SYT1: variants seen among roughly 807,000 people sequenced by gnomAD.
SYT1 encodes the protein synaptotagmin-1.
SYT1 carries 8 observed loss-of-function variants against 44.8 expected under a neutral mutation model. The ratio of observed to expected loss-of-function variants is 0.18; its 90% CI spans 0.10 to 0.32. The LOEUF (loss-of-function observed/expected upper bound fraction) is 0.32. Among genes scored for constraint, SYT1 ranks in the 10% least tolerant of loss-of-function variants. The probability of loss-of-function intolerance (pLI) is 1.00; values close to 1 mark genes in which losing one functional copy is unlikely to be tolerated. For missense variants in SYT1, 286 were observed against 509.3 expected, an observed-to-expected ratio of 0.56 and a Z score of 4.22; for synonymous variants, 154 against 188.8, an observed-to-expected ratio of 0.82 and a Z score of 1.51.
At chr12:79,092,467 A>T (rs1877844821) in intron 3 of SYT1, among the ~76,000 whole-genome samples, 1 of 151,782 alleles carries the variant, frequency 6.6e-6, no homozygotes, top group Non-Finnish European at 1.5e-5. Context: ...ACACAAAAGT[A>T]CACCTTCCCA....
At chr12:78,973,437 C>T (rs2137399236) in intron 1 of SYT1, among the ~76,000 whole-genome samples, 1 of 152,218 alleles carries the variant, frequency 6.6e-6, no homozygotes, top group Non-Finnish European at 1.5e-5. Flanking sequence ...AACCGCCATT[C>T]TATGGAGGCT....
In SYT1 at chr12:79,353,515, G is replaced by T; in HGVS notation, c.824G>T (p.Gly275Val). 6.2e-7 allele frequency: 1 copy of T among 1,613,596 alleles called. No homozygotes were observed. Among genetic ancestry groups the T allele is most frequent in the Non-Finnish European group, 8.5e-7 (1 of 1,179,532 alleles). ...SAEKEEQEKL[G>V]DICFSLRYVP... is the part of the protein sequence containing the mutation. ...TGGTTTTCTTAGCAAGAGAAATTGG[G>T]TGATATCTGCTTCTCCCTTCGCTAC... The change falls in exon 9 of 11, where the codon GGT becomes GTT. Residue 275 changes from glycine to valine, a missense_variant. Transcript: ENST00000261205.
chr12:78,890,497 C>G (rs1874993333), intron 1 of SYT1, among the ~76,000 whole-genome samples: 1 of 151,830 alleles, frequency 6.6e-6, no homozygotes, highest in South Asian at 2.1e-4. Context: ...ATGTAACAAA[C>G]CTGCACGTTG....
intron 4 of SYT1, among the ~76,000 whole-genome samples, chr12:79,271,941 T>C (rs369719405): frequency 2.0e-4 from 30 of 152,354 alleles, no homozygotes; most frequent in African/African-American, 6.7e-4. Context: ...TGCATCTTTT[T>C]ATACCCATCT....
At chr12:79,119,980 TGTGGAACAACAGGATCCAA>T (rs1338027490) in intron 3 of SYT1, among the ~76,000 whole-genome samples, 3 of 152,144 alleles carry the variant, frequency 2.0e-5, no homozygotes, top group African/African-American at 7.2e-5. Flanking sequence ...AAAGACCTGC[TGTGGAACAACAGGATCCAA>T]GAGACTGAGG....
chr12:79,067,007 T>A (rs1305690966), intron 3 of SYT1, among the ~76,000 whole-genome samples: 1 of 152,210 alleles, frequency 6.6e-6, no homozygotes, highest in Non-Finnish European at 1.5e-5. Flanking sequence ...ATTGCCTTGA[T>A]GCAGTGTTAC....
chr12:79,442,303 T>C (rs1384339279), intron 9 of SYT1, among the ~76,000 whole-genome samples: 3 of 152,162 alleles, frequency 2.0e-5, no homozygotes, highest in African/African-American at 7.2e-5. Flanking sequence ...AAAATCAACA[T>C]TGGCTGTGAA....
chr12:79,406,807 GA>G (rs1451353229), intron 9 of SYT1, among the ~76,000 whole-genome samples: 1 of 152,118 alleles, frequency 6.6e-6, no homozygotes, highest in African/African-American at 2.4e-5. Context: ...TAGTGAGAAA[GA>G]AAGTGAGTTA....
At chr12:79,002,362 C>A (rs1248830226) in intron 2 of SYT1, among the ~76,000 whole-genome samples, 1 of 152,028 alleles carries the variant, frequency 6.6e-6, no homozygotes, top group Non-Finnish European at 1.5e-5. Context: ...AACTTACTTG[C>A]TCTTAGCTGA....
chr12:79,221,803 C>G (rs996398902), intron 4 of SYT1, among the ~76,000 whole-genome samples: 1 of 151,970 alleles, frequency 6.6e-6, no homozygotes, highest in Non-Finnish European at 1.5e-5. Context: ...TGCCTTTTAG[C>G]CTTCATACTG....
intron 4 of SYT1, among the ~76,000 whole-genome samples, chr12:79,224,340 T>C (rs1048400257): frequency 6.6e-6 from 1 of 152,192 alleles, no homozygotes. Context: ...GGAAAATATA[T>C]ATTAATAAAT....
intron 4 of SYT1, among the ~76,000 whole-genome samples, chr12:79,253,473 C>T (rs1565877172): frequency 2.1e-5 from 3 of 142,140 alleles, no homozygotes; most frequent in South Asian, 4.7e-4. Flanking sequence ...CCACCAAAAG[C>T]CATTGCCCAG....
chr12:78,972,481 G>T (rs1377527466), intron 1 of SYT1, among the ~76,000 whole-genome samples: 1 of 151,042 alleles, frequency 6.6e-6, no homozygotes, highest in Non-Finnish European at 1.5e-5. Flanking sequence ...ACACACAGAA[G>T]TTAAAATTAA....
chr12:79,436,699 G>C (rs1870112673), intron 9 of SYT1, among the ~76,000 whole-genome samples: 1 of 152,202 alleles, frequency 6.6e-6, no homozygotes, highest in Non-Finnish European at 1.5e-5. Context: ...GAAGAGGGGG[G>C]TGGTGATAAC....
chr12:79,019,098 C>A lies in SYT1; in HGVS notation c.-83-28199C>A, dbSNP rs568062095. 2.0e-5 allele frequency among the ~76,000 whole-genome samples: 3 copies of A among 151,962 alleles called. No homozygotes were observed. In the South Asian group the frequency reaches 6.2e-4, roughly 32 times the overall value. On this transcript the variant is annotated intron_variant, in intron 2 of 10. Transcript: ENST00000261205. ...TATTTCTTTATATCTTGTTTCTCTC[C>A]TTTATTCAATCAACAAGCAGTTTTT...
intron 4 of SYT1, among the ~76,000 whole-genome samples, chr12:79,273,653 T>C (rs934575768): frequency 6.6e-6 from 1 of 152,098 alleles, no homozygotes; most frequent in African/African-American, 2.4e-5. Flanking sequence ...GAGGAGGATA[T>C]GAGGAGCGGC....
intron 9 of SYT1, among the ~76,000 whole-genome samples, chr12:79,406,248 G>C (rs1526955): frequency 0.14 from 20,735 of 152,086 alleles, 1,849 homozygotes; most frequent in Middle Eastern, 0.34. Context: ...AAGTTGCACT[G>C]CACTGTGGTG....
intron 3 of SYT1, among the ~76,000 whole-genome samples, chr12:79,186,987 T>A (rs980965293): frequency 2.6e-5 from 4 of 152,116 alleles, no homozygotes; most frequent in Admixed American, 6.6e-5. Context: ...TTTAACATTG[T>A]CTTCCTTATA....
chr12:79,241,003 T>G (rs1313272710), intron 4 of SYT1, among the ~76,000 whole-genome samples: 2 of 152,048 alleles, frequency 1.3e-5, no homozygotes, highest in Non-Finnish European at 2.9e-5. Context: ...CAAGATCCCA[T>G]CTCTATAAAA....
Sources: gnomAD v4.1 joint callset for allele counts (sites outside exome capture counted in the v4.1 genomes callset) on GRCh38, gnomAD v4.1.1 for gene constraint, MANE v1.5 for transcripts, NCBI Gene and HGNC (gene_info 2026-07-23, HGNC 2026-07-21) for gene names.